The following ING2 variants were observed in gnomAD, a reference collection of about 807,000 sequenced individuals.
The protein encoded by ING2 is inhibitor of growth protein 2.
A neutral mutation model predicts 30.6 loss-of-function variants in ING2; 7 were observed. The ratio of observed to expected loss-of-function variants is 0.23; its 90% CI spans 0.13 to 0.43. The LOEUF is 0.43. ING2 is among the 20% of genes least tolerant of loss of function. ING2 has a pLI of 1.00. For synonymous variants in ING2, 136 were observed against 121.7 expected (o/e 1.12, Z -0.78); for missense variants, 239 against 334.9 (o/e 0.71, Z 2.24).
intron 1 of ING2, among the ~76,000 whole-genome samples, chr4:183,509,208 A>ATGTCACAAGTCAT (rs1156966884): frequency 6.6e-6 from 1 of 152,226 alleles, no homozygotes; most frequent in Admixed American, 6.5e-5. Context: ...CTCCGGAGTC[A>ATGTCACAAGTCAT]TGTCACAAGT....
rs1238950174 is a variant in ING2 at position 183,510,958 on chromosome 4, G to A, written c.*6G>A. ...AGGATAGAAGATCGAGGTAGTAAAGGCCATCCACATTTTAAAGGGTTATTT... is the reference window on the plus strand; with the variant it reads ...AGGATAGAAGATCGAGGTAGTAAAGACCATCCACATTTTAAAGGGTTATTT... On this transcript the variant is annotated 3_prime_UTR_variant, in exon 2 of 2. Coordinates refer to ENST00000302327, the MANE Select transcript of ING2 (RefSeq NM_001564.4). The A allele has an allele frequency of 1.0e-5, 16 of 1,561,016 alleles. No homozygotes were observed. The highest frequency in any genetic ancestry group is 1.3e-5 in the Non-Finnish European group (15 of 1,153,218).
intron 1 of ING2, among the ~76,000 whole-genome samples, chr4:183,509,260 A>G (rs1734755818): frequency 6.6e-6 from 1 of 152,192 alleles, no homozygotes; most frequent in Non-Finnish European, 1.5e-5. Context: ...TCCTGTAAAC[A>G]CAGTTGGGCA....
At chr4:183,506,345 C>A in intron 1 of ING2, 1 of 1,291,876 alleles carries the variant, frequency 7.7e-7, no homozygotes, top group Non-Finnish European at 1.0e-6. Flanking sequence ...GTGTCACTTC[C>A]GGGCTTCAGG....
Position 183,511,386 on chromosome 4 carries a change from A to G in ING2, c.*434A>G, listed in dbSNP as rs963226387. Among the ~76,000 whole-genome samples the G allele has an allele frequency of 2.0e-5, 3 of 152,218 alleles. No individual in the cohort carries two copies. The highest frequency in any genetic ancestry group is 7.2e-5 in the African/African-American group (3 of 41,454). ...TACTTTAAAATACAGACACTATGCC[A>G]TTTGAGCTGCTTTTTCCCTAGTCCT... On this transcript the variant is annotated 3_prime_UTR_variant, in exon 2 of 2. Transcript: ENST00000302327.
At position 183,506,295 on chromosome 4, in the gene ING2, G is replaced by A. The variant is rs550307909; in HGVS notation, c.172+928G>A. 6.1e-5 allele frequency: 79 copies of A among 1,304,280 alleles called. No homozygotes were observed. In the Admixed American group the frequency reaches 1.5e-3, roughly 25 times the overall value. 80.8% of individuals were successfully genotyped at this position (1,304,280 alleles called of 1,614,324 possible). A position where few individuals can be genotyped will look rare whatever the true frequency, so the allele number is the denominator to read the frequency against. ...GATCAGGACGGCGATCAGCAGCTCG[G>A]ACCGTCGCGGATCCTGGCTCCGCGT... On this transcript the variant is annotated intron_variant, in intron 1 of 1. Coordinates refer to ENST00000302327, the MANE Select transcript of ING2 (RefSeq NM_001564.4).
At chr4:183,505,428 GCC>G (rs1734612334) in intron 1 of ING2, 61 bp downstream of exon 1, 1 of 1,420,580 alleles carries the variant, frequency 7.0e-7, no homozygotes, top group Non-Finnish European at 9.5e-7. Context: ...CCGGGGGAGT[GCC>G]ACCTTCCCTT....
chr4:183,506,092 C>G, intron 1 of ING2: 1 of 1,187,012 alleles, frequency 8.4e-7, no homozygotes, highest in Non-Finnish European at 1.1e-6. Flanking sequence ...GTGGGAGGGG[C>G]GCGGCGCGCG....
In ING2 at chr4:183,510,294, A is replaced by C. The variant is rs1366179567; in HGVS notation, c.185A>C (p.Glu62Ala). 1 of 1,579,126 alleles carries C rather than the reference A, an allele frequency of 6.3e-7. No homozygotes were observed. Among genetic ancestry groups the C allele is most frequent in the Admixed American group, 2.0e-5 (1 of 51,160 alleles). ...LDNKYQETLK[E>A]IDDVYEKYKK... The stretch of plus-strand genomic sequence containing the variant: ...TTCCTTTTTTTAGAAACGTTAAAGG[A>C]AATTGATGATGTCTACGAAAAATAT... Residue 62 changes from glutamate to alanine, a missense_variant, in exon 2 of 2, where the codon GAA becomes GCA. By Grantham distance (107) the Glu-to-Ala change is moderately radical. Around this residue, in one of 5 missense-constraint regions of ING2, gnomAD observed 80 missense variants for 102.4 expected, o/e 0.78. Coordinates refer to ENST00000302327, the MANE Select transcript of ING2 (RefSeq NM_001564.4).
chr4:183,508,400 C>T (rs372902020), intron 1 of ING2, among the ~76,000 whole-genome samples: 1 of 151,734 alleles, frequency 6.6e-6, no homozygotes, highest in African/African-American at 2.4e-5. Context: ...GAACCAGTTT[C>T]CTTATTTTTC....
chr4:183,506,452 AC>A, intron 1 of ING2: 2 of 502,206 alleles, frequency 4.0e-6, no homozygotes, highest in Non-Finnish European at 7.2e-6. Flanking sequence ...TTGCCGGCCG[AC>A]CCGGGAACCC....
chr4:183,508,934 A>G (rs953155982), intron 1 of ING2, among the ~76,000 whole-genome samples: 1 of 152,232 alleles, frequency 6.6e-6, no homozygotes, highest in Non-Finnish European at 1.5e-5. Flanking sequence ...CACGTGCCAT[A>G]CAACTAAATC....
In ING2 at chr4:183,505,113, G is replaced by A; in HGVS notation, c.-83G>A. The A allele has an allele frequency of 7.3e-7, 1 of 1,375,046 alleles. No individual in the cohort carries two copies. The highest frequency in any genetic ancestry group is 9.5e-7 in the Non-Finnish European group (1 of 1,055,876). 85.2% of individuals were successfully genotyped at this position (1,375,046 alleles called of 1,614,324 possible). On this transcript the variant is annotated 5_prime_UTR_variant, in exon 1 of 2. Coordinates refer to ENST00000302327, the MANE Select transcript of ING2 (RefSeq NM_001564.4). The stretch of plus-strand genomic sequence containing the variant: ...GGGGTCCCCGCGGCGCCGGGCTGCT[G>A]AGCTGAGGGCCCGCGGCGGCCGCGG...
chr4:183,509,732 GC>G (rs1245270172), intron 1 of ING2, among the ~76,000 whole-genome samples: 2 of 130,966 alleles, frequency 1.5e-5, no homozygotes, highest in Non-Finnish European at 3.1e-5. Flanking sequence ...ACCGCGCCTG[GC>G]CTTTTTTTTT....
At chr4:183,507,799 TA>T (rs1734712397) in intron 1 of ING2, among the ~76,000 whole-genome samples, 1 of 152,190 alleles carries the variant, frequency 6.6e-6, no homozygotes, top group South Asian at 2.1e-4. Flanking sequence ...ATAAATTATA[TA>T]GGCAGTCAAA....
rs1300265290 is a variant in ING2 at position 183,511,632 on chromosome 4, T to C, written c.*680T>C. On this transcript the variant is annotated 3_prime_UTR_variant, in exon 2 of 2. Transcript: ENST00000302327. The stretch of plus-strand genomic sequence containing the variant: ...CTAGTGCTTAATAAGGGAGTTGTTT[T>C]GTGTTTTCTTTTAATTGGGACAGGT... 6.6e-6 allele frequency among the ~76,000 whole-genome samples: 1 copy of C among 152,232 alleles called. No homozygotes were observed. The highest frequency in any genetic ancestry group is 2.4e-5 in the African/African-American group (1 of 41,460).
intron 1 of ING2, chr4:183,506,353 A>T: frequency 7.8e-7 from 1 of 1,277,004 alleles, no homozygotes; most frequent in South Asian, 1.2e-5. Context: ...TCCGGGCTTC[A>T]GGAGGAAGTG....
At position 183,511,735 on chromosome 4, in the gene ING2, T is replaced by C. The variant is rs1734825357; in HGVS notation, c.*783T>C. Among the ~76,000 whole-genome samples the C allele has an allele frequency of 6.6e-6, 1 of 152,210 alleles. No individual in the cohort carries two copies. The highest frequency in any genetic ancestry group is 6.5e-5 in the Admixed American group (1 of 15,276). On this transcript the variant is annotated 3_prime_UTR_variant, in exon 2 of 2. Coordinates refer to ENST00000302327, the MANE Select transcript of ING2 (RefSeq NM_001564.4). ...GGTTATATAGTATCACGGCTCAAGG[T>C]TGAACAATTTAAAAATACATCTTAA...
At chr4:183,509,944 C>T (rs1734781970) in intron 1 of ING2, among the ~76,000 whole-genome samples, 1 of 150,632 alleles carries the variant, frequency 6.6e-6, no homozygotes, top group African/African-American at 2.5e-5. Flanking sequence ...CTATCTTGGC[C>T]AGGTTGGTCT....
chr4:183,510,596 T>A lies in ING2; in HGVS notation c.487T>A (p.Leu163Ile), dbSNP rs755443311. The A allele has an allele frequency of 6.2e-7, 1 of 1,614,120 alleles. No individual in the cohort carries two copies. Among genetic ancestry groups the A allele is most frequent in the Admixed American group, 1.7e-5 (1 of 60,028 alleles). ...RRQRTSESRD[L>I]CHMANGIEDC... ...GCAGCGGACCAGTGAAAGCCGTGAT[T>A]TATGTCACATGGCAAATGGGATTGA... Residue 163 changes from leucine (L) to isoleucine (I), a missense_variant, in exon 2 of 2, where the codon TTA becomes ATA. Leu to Ile is a conservative substitution (Grantham distance 5). This residue lies in a region of ING2 where 115 missense variants were observed against 120.1 expected (regional missense o/e 0.96). Transcript: ENST00000302327.
Sources: gnomAD v4.1 joint callset for allele counts (sites outside exome capture counted in the v4.1 genomes callset) on GRCh38, gnomAD v4.1.1 for gene constraint, gnomAD v4.1.1 regional missense constraint, MANE v1.5 for transcripts, NCBI Gene and HGNC (gene_info 2026-07-23, HGNC 2026-07-21) for gene names.